ANKS1B: variants seen among roughly 807,000 people sequenced by gnomAD.
The protein encoded by ANKS1B is ankyrin repeat and sterile alpha motif domain containing 1B, also known as ankyrin repeat and sterile alpha motif domain-containing protein 1B.
A neutral mutation model predicts 148.3 loss-of-function variants in ANKS1B; 36 were observed. That is an observed-to-expected ratio of 0.24 (90% CI 0.19 to 0.32). The LOEUF is 0.32. ANKS1B is among the 10% of genes least tolerant of loss of function. ANKS1B has a pLI of 1.00. For synonymous variants in ANKS1B, 542 were observed against 560.8 expected, an observed-to-expected ratio of 0.97 and a Z score of 0.47; for missense variants, 1,157 against 1,542.6, an observed-to-expected ratio of 0.75 and a Z score of 4.19.
At chr12:99,822,974 T>A (rs990014909) in intron 2 of ANKS1B, among the ~76,000 whole-genome samples, 6 of 152,164 alleles carry the variant, frequency 3.9e-5, no homozygotes, top group African/African-American at 1.2e-4. Flanking sequence ...GACTTTTTAA[T>A]AATAGCCATT....
chr12:99,207,803 T>C (rs1438462422), intron 14 of ANKS1B, among the ~76,000 whole-genome samples: 2 of 152,094 alleles, frequency 1.3e-5, no homozygotes, highest in Non-Finnish European at 2.9e-5. Context: ...GAGTAATTTT[T>C]CTCCTAAGTA....
chr12:98,815,420 C>G (rs1458556077), intron 19 of ANKS1B, among the ~76,000 whole-genome samples: 1 of 152,164 alleles, frequency 6.6e-6, no homozygotes, highest in Non-Finnish European at 1.5e-5. Context: ...TCTGAGCATC[C>G]CTGGAGTGTT....
rs79497192 is a variant in ANKS1B at position 98,883,639 on chromosome 12, T to C, written c.2779-51503A>G. Among the ~76,000 whole-genome samples, 21 of 152,326 alleles carry C rather than the reference T, an allele frequency of 1.4e-4. No individual in the cohort carries two copies. The East Asian group carries it at 3.5e-3, about 25-fold the overall frequency. On this transcript the variant is annotated intron_variant, in intron 17 of 26. Coordinates refer to ENST00000683438, the MANE Select transcript of ANKS1B (RefSeq NM_001352186.2). ...AATTATTGCATGGAATTAAGTTTCT[T>C]GATAAAACTTTACAATTTAAGATAA...
At chr12:98,953,643 G>A (rs922220913) in intron 17 of ANKS1B, among the ~76,000 whole-genome samples, 25 of 130,904 alleles carry the variant, frequency 1.9e-4, no homozygotes, top group African/African-American at 6.8e-4. Flanking sequence ...ACCACATTGT[G>A]ATCTAGGTCT....
rs185560394 is a variant in ANKS1B at position 98,960,408 on chromosome 12, C to G, written c.2778+92749G>C. ...AGACCACCAAGTACCTCTAAGAGAC[C>G]GCAAGAGTCACAGTGTTACTAGACT... On this transcript the variant is annotated intron_variant, in intron 17 of 26. Coordinates refer to ENST00000683438, the MANE Select transcript of ANKS1B (RefSeq NM_001352186.2). Among the ~76,000 whole-genome samples the G allele has an allele frequency of 5.3e-5, 8 of 152,238 alleles. No homozygotes were observed. The East Asian group carries it at 1.4e-3, about 26-fold the overall frequency.
chr12:99,409,642 C>A (rs1354032536), intron 11 of ANKS1B, among the ~76,000 whole-genome samples: 2 of 151,286 alleles, frequency 1.3e-5, no homozygotes, highest in African/African-American at 4.9e-5. Context: ...CTACTATGTA[C>A]CCCAAAAAAC....
chr12:99,842,025 A>G (rs904114914), intron 1 of ANKS1B, among the ~76,000 whole-genome samples: 2 of 152,056 alleles, frequency 1.3e-5, no homozygotes, highest in African/African-American at 4.8e-5. Flanking sequence ...TCAGTTACCT[A>G]TTTCACATTT....
At chr12:99,210,313 T>G (rs2153910576) in intron 14 of ANKS1B, among the ~76,000 whole-genome samples, 1 of 152,316 alleles carries the variant, frequency 6.6e-6, no homozygotes, top group South Asian at 2.1e-4. Flanking sequence ...TGTGCCCAGA[T>G]GCCAAAACAA....
At chr12:99,937,972 T>G (rs911130771) in intron 1 of ANKS1B, among the ~76,000 whole-genome samples, 2 of 152,082 alleles carry the variant, frequency 1.3e-5, no homozygotes, top group Non-Finnish European at 2.9e-5. Flanking sequence ...TGATGTCAGG[T>G]GGGCTCTGAA....
intron 9 of ANKS1B, among the ~76,000 whole-genome samples, chr12:99,594,036 G>A (rs535260967): frequency 3.8e-4 from 58 of 152,004 alleles, no homozygotes; most frequent in African/African-American, 1.3e-3. Flanking sequence ...TCACTGAATA[G>A]TTTGTGACTT....
intron 10 of ANKS1B, among the ~76,000 whole-genome samples, chr12:99,456,989 C>T (rs1257255422): frequency 6.6e-6 from 1 of 151,818 alleles, no homozygotes; most frequent in Admixed American, 6.6e-5. Flanking sequence ...TATCTAAAGT[C>T]AAGATGAAGA....
intron 24 of ANKS1B, among the ~76,000 whole-genome samples, chr12:98,775,761 T>C (rs924731178): frequency 4.6e-5 from 7 of 152,096 alleles, no homozygotes; most frequent in Non-Finnish European, 1.0e-4. Flanking sequence ...CCAGCCCTCC[T>C]GTTCTCTATT....
At chr12:99,885,403 C>A (rs1194292458) in intron 1 of ANKS1B, among the ~76,000 whole-genome samples, 2 of 151,068 alleles carry the variant, frequency 1.3e-5, no homozygotes, top group South Asian at 2.1e-4. Context: ...CGGGTTCCTG[C>A]CATTCTCCTG....
At chr12:98,953,034 T>G (rs1165474037) in intron 17 of ANKS1B, among the ~76,000 whole-genome samples, 1 of 151,954 alleles carries the variant, frequency 6.6e-6, no homozygotes, top group Non-Finnish European at 1.5e-5. Context: ...ATTTTTTTTT[T>G]TTTTGAGACA....
chr12:99,325,587 A>G (rs537517221), intron 12 of ANKS1B, among the ~76,000 whole-genome samples: 1 of 152,272 alleles, frequency 6.6e-6, no homozygotes, highest in South Asian at 2.1e-4. Context: ...CAGGTTACAC[A>G]ATTCTGACTG....
chr12:99,911,628 T>C (rs923516031), intron 1 of ANKS1B, among the ~76,000 whole-genome samples: 1 of 152,192 alleles, frequency 6.6e-6, no homozygotes. Flanking sequence ...TAACACATAA[T>C]GATTTATTAA....
intron 12 of ANKS1B, among the ~76,000 whole-genome samples, chr12:99,280,380 T>G (rs2078255843): frequency 6.6e-6 from 1 of 152,214 alleles, no homozygotes; most frequent in African/African-American, 2.4e-5. Context: ...CTTCCTCAAC[T>G]GTCCTTTATA....
At chr12:99,489,681 T>C (rs144908694) in intron 10 of ANKS1B, among the ~76,000 whole-genome samples, 3 of 152,304 alleles carry the variant, frequency 2.0e-5, no homozygotes, top group South Asian at 2.1e-4. Flanking sequence ...AGCATCCTCA[T>C]AGATGCCTGT....
At chr12:99,790,882 C>A (rs1249200024) in intron 4 of ANKS1B, among the ~76,000 whole-genome samples, 3 of 151,280 alleles carry the variant, frequency 2.0e-5, no homozygotes, top group Admixed American at 6.6e-5. Flanking sequence ...AAAAAGAGAG[C>A]GAGAGAAAAA....
Sources: gnomAD v4.1 joint callset for allele counts (sites outside exome capture counted in the v4.1 genomes callset) on GRCh38, gnomAD v4.1.1 for gene constraint, MANE v1.5 for transcripts, NCBI Gene and HGNC (gene_info 2026-07-23, HGNC 2026-07-21) for gene names.